The following OCA2 variants were observed in gnomAD, a reference collection of about 807,000 sequenced individuals.
OCA2 encodes OCA2 melanosomal transmembrane protein.
A neutral mutation model predicts 100.2 loss-of-function variants in OCA2; 77 were observed. The ratio of observed to expected loss-of-function variants is 0.77; its 90% confidence interval spans 0.64 to 0.93. The LOEUF is 0.93. Among genes scored for constraint, OCA2 ranks in the 40% least tolerant of loss-of-function variants. The pLI is 0.00. For synonymous variants in OCA2, 432 were observed against 439.2 expected (o/e 0.98, Z 0.21); for missense variants, 1,062 against 1,089.1 (o/e 0.98, Z 0.35).
chr15:27,856,682 C>T (rs1490189360), intron 21 of OCA2, among the ~76,000 whole-genome samples: 1 of 146,952 alleles, frequency 6.8e-6, no homozygotes, highest in African/African-American at 2.6e-5. Flanking sequence ...TCTGTACACA[C>T]ACACAAACAC....
intron 19 of OCA2, among the ~76,000 whole-genome samples, chr15:27,898,322 A>G (rs561687025): frequency 1.3e-5 from 2 of 152,314 alleles, no homozygotes; most frequent in South Asian, 4.1e-4. Context: ...CACAATTCCC[A>G]CAAGTCATGG....
At chr15:27,848,629 C>T (rs1036496698) in intron 22 of OCA2, among the ~76,000 whole-genome samples, 3 of 152,244 alleles carry the variant, frequency 2.0e-5, no homozygotes, top group African/African-American at 7.2e-5. Flanking sequence ...TTTTCAAAAC[C>T]ATGCCTGGCT....
intron 14 of OCA2, among the ~76,000 whole-genome samples, chr15:27,980,749 G>A (rs781687015): frequency 5.9e-5 from 9 of 152,172 alleles, no homozygotes; most frequent in South Asian, 2.1e-4. Context: ...ATATATTGTC[G>A]TCTTTATCTC....
At chr15:27,738,641 T>A in the OCA2 span, among the ~76,000 whole-genome samples, 191 of 150,118 alleles carry the variant, frequency 1.3e-3, no homozygotes, top group Non-Finnish European at 2.2e-3. Flanking sequence ...AGGCTGAGGC[T>A]GGAGAATGGC....
the OCA2 span, among the ~76,000 whole-genome samples, chr15:27,728,653 C>T: frequency 8.3e-4 from 126 of 152,260 alleles, 1 homozygote; most frequent in Non-Finnish European, 1.5e-3. Context: ...TTTTCCTTTG[C>T]GGAGATGGCT....
At chr15:27,980,600 T>C (rs1405354097) in intron 14 of OCA2, among the ~76,000 whole-genome samples, 1 of 152,228 alleles carries the variant, frequency 6.6e-6, no homozygotes, top group African/African-American at 2.4e-5. Flanking sequence ...TTAGCTTTTC[T>C]ATATGAGAAA....
intron 19 of OCA2, among the ~76,000 whole-genome samples, chr15:27,910,870 C>T (rs944488370): frequency 4.0e-5 from 6 of 151,622 alleles, no homozygotes; most frequent in Non-Finnish European, 2.9e-5. Context: ...GCAGGAGAAT[C>T]GCTTGAACCC....
chr15:27,803,503 T>C (rs983776429), intron 23 of OCA2, among the ~76,000 whole-genome samples: 2 of 152,186 alleles, frequency 1.3e-5, no homozygotes, highest in Non-Finnish European at 2.9e-5. Context: ...AAATACTATA[T>C]GATTCCGCTA....
intron 23 of OCA2, among the ~76,000 whole-genome samples, chr15:27,760,231 A>G (rs1208182102): frequency 3.3e-5 from 5 of 152,068 alleles, no homozygotes. Context: ...TTTCTAATTT[A>G]TGATCTCTGT....
intron 18 of OCA2, among the ~76,000 whole-genome samples, chr15:27,949,246 C>T (rs1308286543): frequency 6.6e-6 from 1 of 152,146 alleles, no homozygotes; most frequent in Non-Finnish European, 1.5e-5. Context: ...ACGTAGTGTA[C>T]AGTGTGTGCG....
rs1489279742 is a variant in OCA2, at chr15:27,754,890, G to C, written c.*498C>G. ...CTCCAAAGCCTTTTATCAAGGAACAGTTTATTTTAATACATAAAATGTTTC... is the reference window on the plus strand; with the variant it reads ...CTCCAAAGCCTTTTATCAAGGAACACTTTATTTTAATACATAAAATGTTTC... On this transcript the variant is annotated 3_prime_UTR_variant, in exon 24 of 24. Transcript: ENST00000354638. The C allele has an allele frequency of 5.6e-6, 1 of 180,014 alleles. No homozygotes were observed. The highest frequency in any genetic ancestry group is 1.2e-5 in the Non-Finnish European group (1 of 83,024). The allele number at this position is 180,014 out of a possible 1,614,324, so 11.2% of individuals were successfully genotyped here.
Position 27,895,324 on chromosome 15 carries a change from C to T in OCA2, c.2080-23402G>A, listed in dbSNP as rs554799880. On this transcript the variant is annotated intron_variant, in intron 19 of 23. Coordinates refer to ENST00000354638, the MANE Select transcript of OCA2 (RefSeq NM_000275.3). Reference sequence around the variant, plus strand: ...AATGGGGCATTGCTGAAAAGATAGCCGAAAATGTGGAAGCAACTTTGGAAC... The same window carrying T: ...AATGGGGCATTGCTGAAAAGATAGCTGAAAATGTGGAAGCAACTTTGGAAC... 4.6e-4 allele frequency among the ~76,000 whole-genome samples: 70 copies of T among 152,122 alleles called. 1 individual carries two copies. The South Asian group carries it at 0.012, about 26-fold the overall frequency.
At chr15:27,807,640 G>A (rs2033912362) in intron 23 of OCA2, among the ~76,000 whole-genome samples, 1 of 152,072 alleles carries the variant, frequency 6.6e-6, no homozygotes, top group African/African-American at 2.4e-5. Flanking sequence ...ACTGAGGTAG[G>A]TTGCACAGCT....
Position 27,818,092 on chromosome 15 carries a change from T to C in OCA2, c.2432+26867A>G, listed in dbSNP as rs186970797. Reference sequence around the variant, plus strand: ...AACATTATCAGGTACTAGAATACTTTTTAAAATATCATCTCTGGCTGGCAT... The same window carrying C: ...AACATTATCAGGTACTAGAATACTTCTTAAAATATCATCTCTGGCTGGCAT... On this transcript the variant is annotated intron_variant, in intron 23 of 23. Coordinates refer to ENST00000354638, the MANE Select transcript of OCA2 (RefSeq NM_000275.3). 5.5e-4 allele frequency among the ~76,000 whole-genome samples: 84 copies of C among 152,312 alleles called. 2 individuals carry two copies. The East Asian group carries it at 0.014, about 26-fold the overall frequency.
intron 21 of OCA2, among the ~76,000 whole-genome samples, chr15:27,861,971 G>A (rs763011795): frequency 1.3e-5 from 2 of 152,334 alleles, no homozygotes; most frequent in South Asian, 2.1e-4. Flanking sequence ...CCGGAATGCA[G>A]CCAGGATGCA....
At position 27,881,728 on chromosome 15, in the gene OCA2, T is replaced by C. The variant is rs966318734; in HGVS notation, c.2080-9806A>G. ...GTCAGTGGTGATATCCTCTTTATCA[T>C]TTTTTTATTGTGTCTATTTGATTCT... On this transcript the variant is annotated intron_variant, in intron 19 of 23. Coordinates refer to ENST00000354638, the MANE Select transcript of OCA2 (RefSeq NM_000275.3). Among the ~76,000 whole-genome samples the C allele has an allele frequency of 2.0e-5, 3 of 152,070 alleles. 1 individual carries two copies. Among genetic ancestry groups the C allele is most frequent in the African/African-American group, 7.2e-5 (3 of 41,432 alleles).
chr15:27,799,761 CTT>C (rs1013672261), intron 23 of OCA2, among the ~76,000 whole-genome samples: 1 of 150,000 alleles, frequency 6.7e-6, no homozygotes, highest in African/African-American at 2.5e-5. Flanking sequence ...AAAAAAAAAA[CTT>C]TAGCAAAAAT....
chr15:27,820,641 A>G (rs1260392808), intron 23 of OCA2, among the ~76,000 whole-genome samples: 1 of 152,234 alleles, frequency 6.6e-6, no homozygotes, highest in Admixed American at 6.5e-5. Flanking sequence ...GTCCTGGAAC[A>G]GAAAAGGATA....
At chr15:27,950,792 G>A (rs563968104) in intron 18 of OCA2, among the ~76,000 whole-genome samples, 1 of 152,316 alleles carries the variant, frequency 6.6e-6, no homozygotes, top group African/African-American at 2.4e-5. Context: ...GCTGAAGCTT[G>A]AGGCATTATC....
Sources: allele counts gnomAD v4.1 joint callset (sites outside exome capture counted in the v4.1 genomes callset), GRCh38; gene constraint gnomAD v4.1.1; transcripts MANE v1.5; gene names NCBI Gene and HGNC (gene_info 2026-07-23, HGNC 2026-07-21).